CDH11: variants seen among roughly 807,000 people sequenced by gnomAD.
The protein encoded by CDH11 is cadherin-11.
Under a neutral mutation model 67.8 loss-of-function variants are expected in CDH11, and 11 were observed. That is an observed-to-expected ratio of 0.16 (90% CI 0.10 to 0.27). The LOEUF is 0.27. CDH11 is among the 10% of genes least tolerant of loss of function. The pLI is 1.00. For missense variants in CDH11, 847 were observed against 1,031.2 expected (o/e 0.82, Z 2.45); for synonymous variants, 419 against 400.0 (o/e 1.05, Z -0.57).
intron 1 of CDH11, among the ~76,000 whole-genome samples, chr16:65,106,547 G>A: frequency 6.6e-6 from 1 of 152,116 alleles, no homozygotes; most frequent in East Asian, 1.9e-4. Context: ...ATATGCATTA[G>A]AGAAGCTGCA....
intron 4 of CDH11, among the ~76,000 whole-genome samples, chr16:64,994,096 C>T (rs1385592290): frequency 6.6e-6 from 1 of 152,134 alleles, no homozygotes; most frequent in African/African-American, 2.4e-5. Flanking sequence ...GGCAAGGGAG[C>T]CAGTTTACAC....
intron 11 of CDH11, among the ~76,000 whole-genome samples, chr16:64,960,933 G>GTTAC (rs1381955330): frequency 6.6e-6 from 1 of 152,122 alleles, no homozygotes; most frequent in Non-Finnish European, 1.5e-5. Flanking sequence ...TCACCATGTA[G>GTTAC]TTACAGCTTC....
At position 64,991,939 on chromosome 16, in the gene CDH11, G is replaced by A. The variant is rs747355470; in HGVS notation, c.644-4C>T. The A allele has an allele frequency of 6.3e-7, 1 of 1,592,262 alleles. No individual in the cohort carries two copies. Among genetic ancestry groups the A allele is most frequent in the Non-Finnish European group, 8.6e-7 (1 of 1,162,748 alleles). Reference sequence around the variant, plus strand: ...GGTAGGGCTGTTCTGATGATACCTGGACAGGTAAGCAGGCAACATCACAGA... The same window carrying A: ...GGTAGGGCTGTTCTGATGATACCTGAACAGGTAAGCAGGCAACATCACAGA... On this transcript the variant is annotated splice_polypyrimidine_tract_variant and splice_region_variant and intron_variant, in intron 5 of 12. Transcript: ENST00000268603.
chr16:64,954,372 G>A (rs1206991683), intron 11 of CDH11, among the ~76,000 whole-genome samples: 1 of 152,158 alleles, frequency 6.6e-6, no homozygotes, highest in Non-Finnish European at 1.5e-5. Context: ...CTAATTATCT[G>A]CTTTCAATTG....
At chr16:64,998,141 T>C (rs1397136433) in intron 4 of CDH11, among the ~76,000 whole-genome samples, 2 of 152,220 alleles carry the variant, frequency 1.3e-5, no homozygotes, top group African/African-American at 2.4e-5. Flanking sequence ...ATCCATTTAA[T>C]AGCTCAAATG....
intron 2 of CDH11, among the ~76,000 whole-genome samples, chr16:65,005,422 A>G (rs2073031540): frequency 6.6e-6 from 1 of 152,206 alleles, no homozygotes. Flanking sequence ...CAGTTTAGGG[A>G]GAGGACAGAT....
At chr16:65,117,859 G>C (rs753014456) in intron 1 of CDH11, among the ~76,000 whole-genome samples, 16 of 152,146 alleles carry the variant, frequency 1.1e-4, no homozygotes, top group Non-Finnish European at 2.2e-4. Flanking sequence ...GTCTCAGTGA[G>C]AGCTGACCTT....
At chr16:65,108,435 A>G (rs2877427) in intron 1 of CDH11, among the ~76,000 whole-genome samples, 30,036 of 152,176 alleles carry the variant, frequency 0.2, 3,047 homozygotes, top group South Asian at 0.29. Context: ...GTGACACTCC[A>G]TTTATAAAGT....
chr16:64,958,009 G>A (rs1481039341), intron 11 of CDH11, among the ~76,000 whole-genome samples: 1 of 151,976 alleles, frequency 6.6e-6, no homozygotes, highest in Non-Finnish European at 1.5e-5. Context: ...CTATTTTCTT[G>A]CCTTTCTGAA....
chr16:65,098,525 T>C (rs955424632), intron 1 of CDH11, among the ~76,000 whole-genome samples: 22 of 152,044 alleles, frequency 1.4e-4, no homozygotes, highest in African/African-American at 5.3e-4. Context: ...AGTGTGTGTG[T>C]GTGTGTGTGT....
intron 2 of CDH11, among the ~76,000 whole-genome samples, chr16:65,014,970 C>T (rs539271954): frequency 2.0e-5 from 3 of 151,298 alleles, no homozygotes; most frequent in African/African-American, 7.3e-5. Flanking sequence ...ATTCTCCTGC[C>T]TCAGCCTCCT....
intron 1 of CDH11, among the ~76,000 whole-genome samples, chr16:65,076,966 C>T (rs1410438345): frequency 6.6e-6 from 1 of 152,012 alleles, no homozygotes; most frequent in Non-Finnish European, 1.5e-5. Context: ...TTGATCAACC[C>T]CATTTTTCTC....
chr16:65,106,538 T>C (rs956314931), intron 1 of CDH11, among the ~76,000 whole-genome samples: 2 of 152,202 alleles, frequency 1.3e-5, no homozygotes, highest in Non-Finnish European at 2.9e-5. Context: ...TTCTTATTAA[T>C]ATGCATTAGA....
intron 11 of CDH11, among the ~76,000 whole-genome samples, chr16:64,953,450 A>AGC (rs936738077): frequency 1.3e-5 from 2 of 152,054 alleles, no homozygotes; most frequent in African/African-American, 4.8e-5. Context: ...CCAAAACAAC[A>AGC]CAGAACAGCC....
At chr16:65,065,501 C>T (rs1055298412) in intron 1 of CDH11, among the ~76,000 whole-genome samples, 3 of 152,058 alleles carry the variant, frequency 2.0e-5, no homozygotes, top group African/African-American at 4.8e-5. Flanking sequence ...GGCACAGGAC[C>T]GCAGGACCCA....
At chr16:65,074,767 G>C (rs967994029) in intron 1 of CDH11, among the ~76,000 whole-genome samples, 1 of 152,112 alleles carries the variant, frequency 6.6e-6, no homozygotes, top group Non-Finnish European at 1.5e-5. Context: ...AAAAGAAAGA[G>C]TTTGAGTAGT....
intron 4 of CDH11, among the ~76,000 whole-genome samples, chr16:64,996,761 C>A (rs1403282579): frequency 6.6e-6 from 1 of 152,050 alleles, no homozygotes; most frequent in African/African-American, 2.4e-5. Flanking sequence ...CAGCTGGAGG[C>A]CATTATCCTG....
chr16:65,045,125 G>T (rs1435758926), intron 2 of CDH11, among the ~76,000 whole-genome samples: 1 of 151,388 alleles, frequency 6.6e-6, no homozygotes, highest in South Asian at 2.1e-4. Flanking sequence ...ATGGTTTGGG[G>T]CAATGAATCA....
chr16:65,115,707 C>CAAAAAAAAAAAAAAAAAAAAAA (rs750108148), intron 1 of CDH11, among the ~76,000 whole-genome samples: 1 of 60,178 alleles, frequency 1.7e-5, no homozygotes, highest in Admixed American at 1.7e-4. Flanking sequence ...AAGGCTACAC[C>CAAAAAAAAAAAAAAAAAAAAAA]AAAAAAAAAA....
Sources: gnomAD v4.1 joint callset for allele counts (sites outside exome capture counted in the v4.1 genomes callset) on GRCh38, gnomAD v4.1.1 for gene constraint, MANE v1.5 for transcripts, NCBI Gene and HGNC (gene_info 2026-07-23, HGNC 2026-07-21) for gene names.